RARB: variants seen among roughly 807,000 people sequenced by gnomAD.
RARB encodes the protein HBV-activated protein.
RARB carries 17 observed loss-of-function variants against 51.9 expected under a neutral mutation model. That is an observed-to-expected ratio of 0.33 (90% CI 0.22 to 0.49). The LOEUF is 0.49. RARB is among the 20% of genes least tolerant of loss of function. RARB has a pLI of 0.99. For missense variants in RARB, 369 were observed against 550.8 expected, an observed-to-expected ratio of 0.67 and a Z score of 3.30; for synonymous variants, 215 against 195.4, an observed-to-expected ratio of 1.10 and a Z score of -0.84.
intron 1 of RARB, among the ~76,000 whole-genome samples, chr3:25,442,413 C>T (rs879418295): frequency 1.3e-5 from 2 of 152,160 alleles, no homozygotes; most frequent in African/African-American, 2.4e-5. Flanking sequence ...GGATTACAGG[C>T]GTGAGCCACC....
chr3:25,231,787 A>G (rs533566326), intron 5 of RARB, among the ~76,000 whole-genome samples: 2 of 152,242 alleles, frequency 1.3e-5, no homozygotes, highest in South Asian at 2.1e-4. Flanking sequence ...GAATTTTAAG[A>G]GTTTTTAATA....
intron 3 of RARB, among the ~76,000 whole-genome samples, chr3:25,088,287 C>T (rs1274138468): frequency 6.6e-6 from 1 of 152,108 alleles, no homozygotes; most frequent in Non-Finnish European, 1.5e-5. Flanking sequence ...CTTCATAAAT[C>T]AACTAAACTT....
intron 3 of RARB, among the ~76,000 whole-genome samples, chr3:25,119,036 A>G (rs1699736631): frequency 6.6e-6 from 1 of 152,280 alleles, no homozygotes; most frequent in Non-Finnish European, 1.5e-5. Flanking sequence ...TAAAGTTTCC[A>G]TTAAAATTTT....
intron 5 of RARB, among the ~76,000 whole-genome samples, chr3:25,230,617 A>G (rs11924843): frequency 0.47 from 71,602 of 151,634 alleles, 17,976 homozygotes; most frequent in East Asian, 0.69. Context: ...GCATTCTTAT[A>G]GGCATTATAT....
At chr3:24,946,814 A>G (rs938170376) in intron 2 of RARB, among the ~76,000 whole-genome samples, 4 of 152,170 alleles carry the variant, frequency 2.6e-5, no homozygotes, top group Admixed American at 1.3e-4. Flanking sequence ...GCAGTGAGCA[A>G]TGACATTGCT....
At chr3:25,157,077 T>C (rs1239746783) in intron 4 of RARB, among the ~76,000 whole-genome samples, 8 of 152,212 alleles carry the variant, frequency 5.3e-5, no homozygotes, top group Admixed American at 4.6e-4. Context: ...TAAAAAAGGA[T>C]GTATGTATGT....
At chr3:25,423,112 G>A (rs763525457) in intron 5 of RARB, among the ~76,000 whole-genome samples, 5 of 152,102 alleles carry the variant, frequency 3.3e-5, no homozygotes, top group African/African-American at 4.8e-5. Context: ...TGCTGACCCC[G>A]GTTTTAGAAC....
intron 2 of RARB, among the ~76,000 whole-genome samples, chr3:24,882,352 C>G (rs779042372): frequency 2.3e-4 from 35 of 152,084 alleles, no homozygotes; most frequent in Non-Finnish European, 4.6e-4. Context: ...TTGTTATTCA[C>G]TAAACAATAC....
intron 3 of RARB, among the ~76,000 whole-genome samples, chr3:25,504,608 T>G (rs1468344806): frequency 6.6e-6 from 1 of 152,106 alleles, no homozygotes; most frequent in African/African-American, 2.4e-5. Context: ...AATGACCTCA[T>G]GTCCACCATG....
chr3:25,025,086 A>T (rs1247184274), intron 2 of RARB: 2 of 152,052 alleles, frequency 1.3e-5, no homozygotes, highest in East Asian at 3.9e-4. Context: ...TAGTACTTGG[A>T]TGGGAGAAAA....
chr3:24,847,658 G>T (rs553725922), intron 1 of RARB, among the ~76,000 whole-genome samples: 10 of 152,328 alleles, frequency 6.6e-5, no homozygotes, highest in African/African-American at 2.2e-4. Flanking sequence ...CACACTGCAT[G>T]GGACTTGTGG....
At chr3:25,292,082 T>A (rs1409244479) in intron 5 of RARB, among the ~76,000 whole-genome samples, 9 of 151,886 alleles carry the variant, frequency 5.9e-5, no homozygotes, top group Admixed American at 5.9e-4. Context: ...AGAGATTAAT[T>A]GTTTCTCAAA....
chr3:25,376,288 A>C (rs775237932), intron 5 of RARB, among the ~76,000 whole-genome samples: 34 of 152,196 alleles, frequency 2.2e-4, no homozygotes, highest in Admixed American at 3.9e-4. Context: ...TGCCTAGTGC[A>C]TAACACATAG....
chr3:25,283,424 A>G (rs1222749718), intron 5 of RARB, among the ~76,000 whole-genome samples: 1 of 152,076 alleles, frequency 6.6e-6, no homozygotes, highest in African/African-American at 2.4e-5. Flanking sequence ...TTCCTTCTCT[A>G]TCTCGGGCCT....
chr3:25,264,231 T>TC lies in RARB; in HGVS notation c.178+89657dup, dbSNP rs1703074112. Among the ~76,000 whole-genome samples the TC allele has an allele frequency of 2.6e-5, 4 of 152,194 alleles. No homozygotes were observed. In the South Asian group the frequency reaches 8.3e-4, roughly 31 times the overall value. On this transcript the variant is annotated intron_variant, in intron 5 of 11. Transcript: ENST00000383772. Reference sequence around the variant, plus strand: ...AAACTGTAACCTGAATGGTTTGTAATCTAAGGAGGAGAGGAAGAAAGTGTG... The same window carrying TC: ...AAACTGTAACCTGAATGGTTTGTAATCCTAAGGAGGAGAGGAAGAAAGTGTG...
chr3:25,105,562 T>G (rs1699483725), intron 3 of RARB, among the ~76,000 whole-genome samples: 1 of 152,200 alleles, frequency 6.6e-6, no homozygotes, highest in African/African-American at 2.4e-5. Flanking sequence ...TGGATTCAGC[T>G]GTTTATAGGT....
chr3:25,428,123 T>C, upstream of RARB: 1 of 817,394 alleles, frequency 1.2e-6, no homozygotes, highest in East Asian at 3.5e-5. Context: ...TTTGCAGGGC[T>C]GCTGGGAGTT....
At chr3:25,542,501 G>A (rs892062274) in intron 3 of RARB, among the ~76,000 whole-genome samples, 1 of 152,152 alleles carries the variant, frequency 6.6e-6, no homozygotes. Context: ...ACTGTCTAGG[G>A]TCCACCACAG....
At chr3:25,210,950 T>G (rs2125378188) in intron 5 of RARB, among the ~76,000 whole-genome samples, 1 of 152,268 alleles carries the variant, frequency 6.6e-6, no homozygotes, top group Non-Finnish European at 1.5e-5. Context: ...TCCAGACACT[T>G]ATTTGCGATG....
Sources: gnomAD v4.1 joint callset for allele counts (sites outside exome capture counted in the v4.1 genomes callset) on GRCh38, gnomAD v4.1.1 for gene constraint, MANE v1.5 for transcripts, NCBI Gene and HGNC (gene_info 2026-07-23, HGNC 2026-07-21) for gene names.